PKNOX2: variants seen among roughly 807,000 people sequenced by gnomAD.
PKNOX2 encodes PBX/knotted 1 homeobox 2.
Under a neutral mutation model 53.1 loss-of-function variants are expected in PKNOX2, and 14 were observed. That is an observed-to-expected ratio of 0.26 (90% CI 0.17 to 0.41). The LOEUF (loss-of-function observed/expected upper bound fraction) is 0.41, where lower values mean the gene tolerates loss of function less well. Ranked by LOEUF, PKNOX2 falls within the 10% of genes least tolerant of loss-of-function variation. PKNOX2 has a pLI of 1.00. For missense variants in PKNOX2, 496 were observed against 602.8 expected (o/e 0.82, Z 1.85); for synonymous variants, 257 against 242.8 (o/e 1.06, Z -0.54).
At chr11:125,342,305 T>C (rs1057344525) in intron 3 of PKNOX2, among the ~76,000 whole-genome samples, 8 of 152,112 alleles carry the variant, frequency 5.3e-5, no homozygotes, top group Admixed American at 2.6e-4. Context: ...AATCTGAGGT[T>C]GCACCAGAGG....
chr11:125,327,669 C>T (rs2136092767), intron 2 of PKNOX2, among the ~76,000 whole-genome samples: 1 of 152,314 alleles, frequency 6.6e-6, no homozygotes, highest in South Asian at 2.1e-4. Context: ...GGGTCTCCTC[C>T]TCCCTGCAGT....
At chr11:125,351,440 G>A in intron 4 of PKNOX2, 48 bp downstream of exon 4, 1 of 1,258,368 alleles carries the variant, frequency 7.9e-7, no homozygotes, top group South Asian at 1.3e-5. Context: ...AGGGAGTGTG[G>A]TGGCCTTAGA....
rs4290244 is a variant in PKNOX2 at position 125,215,963 on chromosome 11, G to T, written c.-200-19082G>T. On this transcript the variant is annotated intron_variant, in intron 1 of 12. Transcript: ENST00000298282. ...CCAACATCAGAGAAGCCAGGGAATG[G>T]TTAAAGAAGGGCCTTGCAGTCCATG... Among the ~76,000 whole-genome samples, 705 of 152,286 alleles carry T rather than the reference G, an allele frequency of 4.6e-3. 8 individuals carry two copies. The highest frequency in any genetic ancestry group is 0.018 in the Admixed American group (271 of 15,294).
At chr11:125,344,419 A>C (rs1950866434) in intron 3 of PKNOX2, among the ~76,000 whole-genome samples, 2 of 152,198 alleles carry the variant, frequency 1.3e-5, no homozygotes, top group South Asian at 4.1e-4. Flanking sequence ...CTGGTCTCAC[A>C]GAAGGCTCTT....
chr11:125,347,074 C>T (rs1450108921), intron 3 of PKNOX2, among the ~76,000 whole-genome samples: 1 of 152,116 alleles, frequency 6.6e-6, no homozygotes, highest in Non-Finnish European at 1.5e-5. Context: ...GGCGGAATGG[C>T]GTGAAGGAAG....
chr11:125,424,228 T>C (rs1307229805), intron 10 of PKNOX2, among the ~76,000 whole-genome samples: 1 of 152,090 alleles, frequency 6.6e-6, no homozygotes, highest in East Asian at 1.9e-4. Context: ...TGTTCAGTTT[T>C]AAGGGGAGCA....
At chr11:125,226,525 G>A (rs1279855239) in intron 1 of PKNOX2, among the ~76,000 whole-genome samples, 2 of 152,050 alleles carry the variant, frequency 1.3e-5, no homozygotes, top group Non-Finnish European at 2.9e-5. Context: ...ACACTATGAG[G>A]ACAAGGGCCG....
At chr11:125,294,683 C>T (rs946780713) in intron 2 of PKNOX2, among the ~76,000 whole-genome samples, 1 of 152,206 alleles carries the variant, frequency 6.6e-6, no homozygotes, top group African/African-American at 2.4e-5. Flanking sequence ...CATCAGCCCC[C>T]AGTCTGCTCC....
intron 2 of PKNOX2, among the ~76,000 whole-genome samples, chr11:125,310,355 C>T (rs1948726665): frequency 6.6e-6 from 1 of 151,878 alleles, no homozygotes; most frequent in Non-Finnish European, 1.5e-5. Context: ...ATTAACCAGG[C>T]ATGGTGGCGC....
chr11:125,410,715 C>A, intron 8 of PKNOX2, 64 bp from the exon 9 acceptor site: 1 of 1,272,292 alleles, frequency 7.9e-7, no homozygotes, highest in Non-Finnish European at 1.1e-6. Context: ...AACTGGGAAC[C>A]CTGCTTGCCC....
chr11:125,165,985 G>A lies in PKNOX2; in HGVS notation c.-201+1209G>A. On this transcript the variant is annotated intron_variant, in intron 1 of 12. Coordinates refer to ENST00000298282, the MANE Select transcript of PKNOX2 (RefSeq NM_001382323.2). The surrounding 1 kb of genome is among the most constrained non-coding windows in gnomAD (Gnocchi z 4.5). Reference sequence around the variant, plus strand: ...CTTCACGGGGGAGCCGGGGGTTTCCGCGCGGTGGGGAGACTCGGGTTGGGA... The same window carrying A: ...CTTCACGGGGGAGCCGGGGGTTTCCACGCGGTGGGGAGACTCGGGTTGGGA... Among the ~76,000 whole-genome samples the A allele has an allele frequency of 6.6e-6, 1 of 152,116 alleles. No homozygotes were observed. The highest frequency in any genetic ancestry group is 1.5e-5 in the Non-Finnish European group (1 of 68,014).
chr11:125,218,828 T>C (rs954149908), intron 1 of PKNOX2, among the ~76,000 whole-genome samples: 3 of 152,212 alleles, frequency 2.0e-5, no homozygotes, highest in Non-Finnish European at 2.9e-5. Flanking sequence ...TAGTTTCTTA[T>C]GTGTTACAAA....
At chr11:125,256,302 C>T (rs1944396462) in intron 2 of PKNOX2, among the ~76,000 whole-genome samples, 1 of 151,990 alleles carries the variant, frequency 6.6e-6, no homozygotes, top group African/African-American at 2.4e-5. Flanking sequence ...ATCAGACAAG[C>T]AGAGATAAAA....
intron 5 of PKNOX2, among the ~76,000 whole-genome samples, chr11:125,376,493 C>T (rs1387369324): frequency 6.6e-6 from 1 of 152,208 alleles, no homozygotes; most frequent in East Asian, 1.9e-4. Context: ...TCACCACCCT[C>T]TCTGCAGGCA....
intron 3 of PKNOX2, among the ~76,000 whole-genome samples, chr11:125,342,067 G>T (rs1950717960): frequency 1.3e-5 from 2 of 152,238 alleles, no homozygotes; most frequent in African/African-American, 4.8e-5. Context: ...TGCAGGAAGG[G>T]CACACGTTGG....
At chr11:125,293,909 A>C (rs901269173) in intron 2 of PKNOX2, among the ~76,000 whole-genome samples, 1 of 152,140 alleles carries the variant, frequency 6.6e-6, no homozygotes, top group Admixed American at 6.5e-5. Context: ...TGTCTTCAAA[A>C]TGGCTGTAGA....
intron 2 of PKNOX2, among the ~76,000 whole-genome samples, chr11:125,261,874 C>T (rs984101592): frequency 6.6e-6 from 1 of 152,216 alleles, no homozygotes; most frequent in Non-Finnish European, 1.5e-5. Flanking sequence ...CATTGCAGAG[C>T]CAGGTCTTAA....
intron 1 of PKNOX2, among the ~76,000 whole-genome samples, chr11:125,210,746 C>A (rs1939740930): frequency 6.6e-6 from 1 of 152,082 alleles, no homozygotes; most frequent in African/African-American, 2.4e-5. Flanking sequence ...TGTCCCGCCT[C>A]CTACTTCTGG....
intron 1 of PKNOX2, among the ~76,000 whole-genome samples, chr11:125,221,834 G>A (rs775240261): frequency 5.9e-5 from 9 of 152,110 alleles, no homozygotes; most frequent in Non-Finnish European, 7.4e-5. Flanking sequence ...CCCCGTGTGA[G>A]TCTCATAAAA....
Sources: gnomAD v4.1 joint callset for allele counts (sites outside exome capture counted in the v4.1 genomes callset) on GRCh38, gnomAD v4.1.1 for gene constraint, Gnocchi (gnomAD v3.1) non-coding constraint, MANE v1.5 for transcripts, NCBI Gene and HGNC (gene_info 2026-07-23, HGNC 2026-07-21) for gene names.